Variants in CNTNAP5 observed in about 807,000 individuals in gnomAD.
CNTNAP5 encodes contactin associated protein family member 5, also known as contactin-associated protein-like 5.
In CNTNAP5, 72 loss-of-function variants were observed where a neutral mutation model predicts 150.2. That is an observed-to-expected ratio of 0.48 (90% confidence interval 0.40 to 0.58). The LOEUF is 0.58. CNTNAP5 is among the 20% of genes least tolerant of loss of function. The pLI is 0.00. For synonymous variants in CNTNAP5, 672 were observed against 619.8 expected, an observed-to-expected ratio of 1.08 and a Z score of -1.25; for missense variants, 1,636 against 1,626.2, an observed-to-expected ratio of 1.01 and a Z score of -0.10.
At chr2:124,523,598 C>T (rs1304954434) in intron 8 of CNTNAP5, among the ~76,000 whole-genome samples, 1 of 152,198 alleles carries the variant, frequency 6.6e-6, no homozygotes, top group East Asian at 1.9e-4. Flanking sequence ...CTTACAAAAG[C>T]ACCCACCTTT....
intron 8 of CNTNAP5, among the ~76,000 whole-genome samples, chr2:124,523,806 C>G (rs1048028779): frequency 6.6e-6 from 1 of 152,180 alleles, no homozygotes; most frequent in Non-Finnish European, 1.5e-5. Flanking sequence ...GAGGCTGCCT[C>G]TGCCTGGCAC....
chr2:124,468,304 T>C (rs951761017), intron 6 of CNTNAP5, among the ~76,000 whole-genome samples: 2 of 152,038 alleles, frequency 1.3e-5, no homozygotes, highest in Admixed American at 1.3e-4. Flanking sequence ...AACCTCAAAA[T>C]AGGGAAGCCA....
At chr2:124,721,539 A>T (rs1049430418) in intron 13 of CNTNAP5, among the ~76,000 whole-genome samples, 2 of 148,380 alleles carry the variant, frequency 1.3e-5, no homozygotes, top group Middle Eastern at 3.4e-3. Flanking sequence ...AAAACAAAAA[A>T]GAAAAAAAAT....
At chr2:124,704,286 G>C (rs1679587567) in intron 13 of CNTNAP5, among the ~76,000 whole-genome samples, 1 of 152,150 alleles carries the variant, frequency 6.6e-6, no homozygotes, top group Admixed American at 6.5e-5. Flanking sequence ...GAGGGGCTTT[G>C]CCATCTGGAC....
intron 13 of CNTNAP5, among the ~76,000 whole-genome samples, chr2:124,736,970 A>T (rs1031942176): frequency 6.6e-6 from 1 of 152,172 alleles, no homozygotes; most frequent in Non-Finnish European, 1.5e-5. Flanking sequence ...ATAAACAAAA[A>T]TAATGATTTC....
intron 1 of CNTNAP5, among the ~76,000 whole-genome samples, chr2:124,093,195 T>G (rs1185575158): frequency 6.6e-6 from 1 of 152,234 alleles, no homozygotes; most frequent in African/African-American, 2.4e-5. Flanking sequence ...GCTGACAACC[T>G]GTGTTGGAAT....
intron 5 of CNTNAP5, among the ~76,000 whole-genome samples, chr2:124,446,467 A>T (rs1225428174): frequency 6.6e-6 from 1 of 152,114 alleles, no homozygotes; most frequent in Non-Finnish European, 1.5e-5. Flanking sequence ...ATTTTCAATC[A>T]TATTTATGTA....
intron 1 of CNTNAP5, among the ~76,000 whole-genome samples, chr2:124,199,414 T>TG (rs1553447199): frequency 5.2e-4 from 4 of 7,706 alleles, no homozygotes; most frequent in African/African-American, 2.4e-3. Context: ...TCCAAGGTTC[T>TG]TTTTTTTTTT....
At chr2:124,729,598 G>T (rs1680227715) in intron 13 of CNTNAP5, among the ~76,000 whole-genome samples, 1 of 152,074 alleles carries the variant, frequency 6.6e-6, no homozygotes, top group Admixed American at 6.6e-5. Flanking sequence ...GGGTAAGATT[G>T]TTGAACTGGC....
chr2:124,625,074 T>A (rs1677691085), intron 12 of CNTNAP5, among the ~76,000 whole-genome samples: 1 of 152,148 alleles, frequency 6.6e-6, no homozygotes, highest in African/African-American at 2.4e-5. Context: ...GGTGACACAG[T>A]CTCTGAAACA....
At chr2:124,484,354 G>A (rs1439322712) in intron 7 of CNTNAP5, among the ~76,000 whole-genome samples, 1 of 152,060 alleles carries the variant, frequency 6.6e-6, no homozygotes, top group African/African-American at 2.4e-5. Context: ...TGTGATATAC[G>A]GTCAGGAAAT....
intron 12 of CNTNAP5, among the ~76,000 whole-genome samples, chr2:124,637,067 A>G (rs1335169005): frequency 1.3e-5 from 2 of 152,228 alleles, no homozygotes; most frequent in Admixed American, 6.5e-5. Context: ...GAAACCATTC[A>G]TAAGAAAATA....
intron 3 of CNTNAP5, among the ~76,000 whole-genome samples, chr2:124,338,616 A>T (rs1396213671): frequency 6.6e-6 from 1 of 152,116 alleles, no homozygotes; most frequent in East Asian, 1.9e-4. Context: ...GATTAGTGAG[A>T]TTCCTAGGGA....
chr2:124,739,988 C>T (rs1680464451), intron 13 of CNTNAP5, among the ~76,000 whole-genome samples: 1 of 151,762 alleles, frequency 6.6e-6, no homozygotes, highest in African/African-American at 2.4e-5. Flanking sequence ...ATATCACTCA[C>T]GTATTACACC....
At chr2:124,611,391 G>C (rs1162455703) in intron 12 of CNTNAP5, among the ~76,000 whole-genome samples, 1 of 152,202 alleles carries the variant, frequency 6.6e-6, no homozygotes, top group Admixed American at 6.5e-5. Flanking sequence ...CTGGTGACCT[G>C]GCATTGGGTG....
intron 1 of CNTNAP5, among the ~76,000 whole-genome samples, chr2:124,119,095 G>T (rs916075448): frequency 3.9e-5 from 6 of 152,100 alleles, no homozygotes. Flanking sequence ...TCTCACAAGC[G>T]AGTCTTTGTG....
At chr2:124,354,589 A>G (rs62171018) in intron 3 of CNTNAP5, among the ~76,000 whole-genome samples, 31,732 of 152,092 alleles carry the variant, frequency 0.21, 3,690 homozygotes, top group African/African-American at 0.32. Flanking sequence ...TGGCCACAGA[A>G]AATCAGGAAT....
intron 20 of CNTNAP5, among the ~76,000 whole-genome samples, chr2:124,867,760 A>T (rs1405318663): frequency 6.6e-6 from 1 of 152,190 alleles, no homozygotes; most frequent in Non-Finnish European, 1.5e-5. Flanking sequence ...TTTCATGTAC[A>T]TGCTGATGAA....
At chr2:124,831,957 A>T (rs185583807) in intron 19 of CNTNAP5, among the ~76,000 whole-genome samples, 4 of 152,220 alleles carry the variant, frequency 2.6e-5, no homozygotes, top group Middle Eastern at 3.4e-3. Flanking sequence ...TTTAAAATTA[A>T]ATACATGAGT....
Sources: gnomAD v4.1 joint callset for allele counts (sites outside exome capture counted in the v4.1 genomes callset) on GRCh38, gnomAD v4.1.1 for gene constraint, MANE v1.5 for transcripts, NCBI Gene and HGNC (gene_info 2026-07-23, HGNC 2026-07-21) for gene names.